Variants in NT5C3A observed in about 807,000 individuals in gnomAD.
NT5C3A encodes the protein cytosolic 5'-nucleotidase 3A.
In NT5C3A, 23 loss-of-function variants were observed where a neutral mutation model predicts 40.0. The observed-to-expected ratio is 0.58, with a 90% CI of 0.41 to 0.81. NT5C3A has a LOEUF of 0.81. Ranked by LOEUF, NT5C3A falls within the 40% of genes least tolerant of loss-of-function variation. The probability of loss-of-function intolerance (pLI) is 0.00; values close to 1 mark genes in which losing one functional copy is unlikely to be tolerated. For synonymous variants in NT5C3A, 130 were observed against 141.4 expected, an observed-to-expected ratio of 0.92 and a Z score of 0.57; for missense variants, 328 against 403.0, an observed-to-expected ratio of 0.81 and a Z score of 1.59.
At chr7:33,059,418 C>T (rs1787695688) in intron 1 of NT5C3A, among the ~76,000 whole-genome samples, 1 of 152,218 alleles carries the variant, frequency 6.6e-6, no homozygotes, top group African/African-American at 2.4e-5. Context: ...CTCCTGGCTA[C>T]TTTCCAAACC....
intron 1 of NT5C3A, among the ~76,000 whole-genome samples, chr7:33,046,968 TTC>T (rs1309807924): frequency 5.3e-5 from 4 of 75,334 alleles, no homozygotes; most frequent in Non-Finnish European, 7.8e-5. Context: ...CACACCTGGC[TTC>T]TTTTTTTTTT....
chr7:33,052,716 A>T (rs1787419003), intron 1 of NT5C3A, among the ~76,000 whole-genome samples: 1 of 152,206 alleles, frequency 6.6e-6, no homozygotes, highest in Non-Finnish European at 1.5e-5. Context: ...TTTGTTACAC[A>T]TAAAATTTGC....
intron 1 of NT5C3A, among the ~76,000 whole-genome samples, chr7:33,061,240 T>A (rs965036263): frequency 1.3e-5 from 2 of 152,152 alleles, no homozygotes; most frequent in African/African-American, 4.8e-5. Flanking sequence ...AAAAGCAAAA[T>A]GAAACTTCTG....
At chr7:33,055,319 G>GA (rs1310435975) in intron 1 of NT5C3A, among the ~76,000 whole-genome samples, 151 of 140,066 alleles carry the variant, frequency 1.1e-3, no homozygotes, top group South Asian at 1.6e-3. Flanking sequence ...CTTGGTGTCG[G>GA]AAAAAAAAAA....
At chr7:33,049,644 TTATC>T (rs1787283983) in intron 1 of NT5C3A, among the ~76,000 whole-genome samples, 1 of 152,072 alleles carries the variant, frequency 6.6e-6, no homozygotes, top group Admixed American at 6.6e-5. Flanking sequence ...TTTATTCTAT[TTATC>T]TAGCTTAGAA....
intron 1 of NT5C3A, among the ~76,000 whole-genome samples, chr7:33,056,215 C>A (rs1424776225): frequency 6.6e-6 from 1 of 151,810 alleles, no homozygotes; most frequent in East Asian, 1.9e-4. Context: ...TATGAGAAAT[C>A]ATCAGGAAAT....
At chr7:33,024,330 C>A (rs572715066) in intron 2 of NT5C3A, among the ~76,000 whole-genome samples, 12 of 152,284 alleles carry the variant, frequency 7.9e-5, no homozygotes, top group Non-Finnish European at 4.4e-5. Flanking sequence ...ACCTTGAGTG[C>A]CCTAGTGTTT....
At chr7:33,023,905 GA>G (rs1410086513) in intron 3 of NT5C3A, 133 bp downstream of exon 3, 1 of 649,276 alleles carries the variant, frequency 1.5e-6, no homozygotes, top group Non-Finnish European at 2.7e-6. Flanking sequence ...AATATAATAA[GA>G]AAAAGCAGGT....
chr7:33,017,228 G>T (rs569858650), intron 7 of NT5C3A: 4 of 541,978 alleles, frequency 7.4e-6, no homozygotes, highest in South Asian at 2.6e-5. Context: ...TTTATTATTA[G>T]TCTATAGCTT....
intron 1 of NT5C3A, among the ~76,000 whole-genome samples, chr7:33,027,480 T>C (rs1049070598): frequency 6.6e-6 from 1 of 152,246 alleles, no homozygotes; most frequent in African/African-American, 2.4e-5. Context: ...AGAAAGTATA[T>C]ATCTTTTTCT....
intron 4 of NT5C3A, 146 bp downstream of exon 4, chr7:33,021,904 CCTA>C (rs1345166619): frequency 1.4e-5 from 9 of 623,564 alleles, no homozygotes; most frequent in Non-Finnish European, 2.6e-5. Flanking sequence ...ATACAGCAAA[CCTA>C]CTATTTACTG....
At chr7:33,022,277 A>G (rs1785667893) in intron 3 of NT5C3A, among the ~76,000 whole-genome samples, 178 bp from the exon 4 acceptor site, 1 of 152,238 alleles carries the variant, frequency 6.6e-6, no homozygotes, top group African/African-American at 2.4e-5. Flanking sequence ...TGTCAGTGGT[A>G]TAATTCACAT....
chr7:33,058,586 G>C (rs867068242), intron 1 of NT5C3A, among the ~76,000 whole-genome samples: 1 of 152,162 alleles, frequency 6.6e-6, no homozygotes, highest in African/African-American at 2.4e-5. Flanking sequence ...CCTGACCTCA[G>C]ATGATCCACC....
At chr7:33,015,537 T>G (rs549780233) in intron 8 of NT5C3A, 133 bp downstream of exon 8, 2 of 642,428 alleles carry the variant, frequency 3.1e-6, no homozygotes, top group Admixed American at 5.5e-5. Flanking sequence ...CACTCTAGCC[T>G]CGGTAACAGA....
Position 33,051,683 on chromosome 7 carries a change from G to A in NT5C3A, c.138+10885C>T, listed in dbSNP as rs182601649. On this transcript the variant is annotated intron_variant, in intron 1 of 8. Coordinates refer to ENST00000610140, the MANE Select transcript of NT5C3A (RefSeq NM_001002010.5). Reference sequence around the variant, plus strand: ...TAATACTTCATTATCTTTAATACAGGCTTATTTTAATTCCTGCTCCCCACC... The same window carrying A: ...TAATACTTCATTATCTTTAATACAGACTTATTTTAATTCCTGCTCCCCACC... Among the ~76,000 whole-genome samples, 664 of 151,924 alleles carry A rather than the reference G, an allele frequency of 4.4e-3. 5 individuals are homozygous for A. Among genetic ancestry groups the A allele is most frequent in the South Asian group, 0.023 (110 of 4,806 alleles).
intron 1 of NT5C3A, chr7:33,041,186 C>T (rs1362666043): frequency 1.0e-6 from 1 of 972,394 alleles, no homozygotes; most frequent in Non-Finnish European, 1.2e-6. Context: ...TACACTAACA[C>T]TTAAAAACAT....
In NT5C3A at chr7:33,017,552, C is replaced by A; in HGVS notation, c.580G>T (p.Val194Leu). 6.2e-7 allele frequency: 1 copy of A among 1,613,788 alleles called. No individual in the cohort carries two copies. Among genetic ancestry groups the A allele is most frequent in the Non-Finnish European group, 8.5e-7 (1 of 1,179,722 alleles). ...CCGATTCCAGCCGAAAATATGAACA[C>A]GGGGATGCTATGTTGTTGGAGCTTA... Reference protein sequence around the residue: ...FDKLQQHSIPVFIFSAGIGDV... With the variant: ...FDKLQQHSIPLFIFSAGIGDV... Residue 194 changes from valine to leucine, a missense_variant, in exon 7 of 9, where the codon GTG becomes TTG. Physicochemically the swap from Val to Leu is conservative, Grantham distance 32. Transcript: ENST00000610140.
At chr7:33,025,070 C>T (rs1004680882) in intron 2 of NT5C3A, among the ~76,000 whole-genome samples, 5 of 152,088 alleles carry the variant, frequency 3.3e-5, no homozygotes, top group East Asian at 1.9e-4. Flanking sequence ...ACCTGGGAGG[C>T]GCAGGTTGCA....
At chr7:33,032,990 G>A (rs990520422) in intron 1 of NT5C3A, among the ~76,000 whole-genome samples, 4 of 152,120 alleles carry the variant, frequency 2.6e-5, no homozygotes, top group African/African-American at 7.2e-5. Flanking sequence ...GAGCTCAAGC[G>A]ATCCTCTTGC....
Sources: allele counts gnomAD v4.1 joint callset (sites outside exome capture counted in the v4.1 genomes callset), GRCh38; gene constraint gnomAD v4.1.1; transcripts MANE v1.5; gene names NCBI Gene and HGNC (gene_info 2026-07-23, HGNC 2026-07-21).